LYN: variants seen among roughly 807,000 people sequenced by gnomAD.
LYN encodes the protein tyrosine-protein kinase Lyn.
Under a neutral mutation model 65.0 loss-of-function variants are expected in LYN, and 12 were observed. The observed-to-expected ratio is 0.18, with a 90% CI of 0.12 to 0.30. The LOEUF (loss-of-function observed/expected upper bound fraction) is 0.30. Ranked by LOEUF, LYN falls within the 10% of genes least tolerant of loss-of-function variation. The pLI, the probability that LYN is intolerant of heterozygous loss-of-function variation, is 1.00. For missense variants in LYN, 380 were observed against 623.2 expected, an observed-to-expected ratio of 0.61 and a Z score of 4.16; for synonymous variants, 222 against 221.2, an observed-to-expected ratio of 1.00 and a Z score of -0.03.
intron 8 of LYN, among the ~76,000 whole-genome samples, chr8:55,962,196 C>T (rs1807305079): frequency 6.6e-6 from 1 of 151,614 alleles, no homozygotes; most frequent in Non-Finnish European, 1.5e-5. Flanking sequence ...ATTCATTCAT[C>T]TTCATTCCAT....
At chr8:55,998,911 T>C (rs1362804926) in intron 11 of LYN, among the ~76,000 whole-genome samples, 2 of 152,218 alleles carry the variant, frequency 1.3e-5, no homozygotes, top group African/African-American at 4.8e-5. Flanking sequence ...AACATGAACA[T>C]TACCATACAC....
intron 10 of LYN, among the ~76,000 whole-genome samples, chr8:55,997,241 G>A (rs1808397317): frequency 6.6e-6 from 1 of 152,036 alleles, no homozygotes; most frequent in South Asian, 2.1e-4. Flanking sequence ...AGTTCCATGG[G>A]CTGTTGATTA....
intron 1 of LYN, among the ~76,000 whole-genome samples, chr8:55,908,663 G>A (rs1375455487): frequency 1.3e-5 from 2 of 152,044 alleles, no homozygotes; most frequent in Non-Finnish European, 2.9e-5. Flanking sequence ...GCAGAGTGGT[G>A]AAGTCTGGGC....
intron 10 of LYN, among the ~76,000 whole-genome samples, chr8:55,977,055 T>G (rs1180410596): frequency 2.6e-5 from 4 of 151,880 alleles, no homozygotes; most frequent in African/African-American, 9.7e-5. Context: ...CATGGTGGTG[T>G]GCGCCTGTAA....
At chr8:55,954,871 TA>T (rs1323396039) in intron 8 of LYN, among the ~76,000 whole-genome samples, 5 of 144,068 alleles carry the variant, frequency 3.5e-5, no homozygotes, top group Admixed American at 6.9e-5. Flanking sequence ...AATAAATAAA[TA>T]AAAGTTTTCA....
chr8:55,958,030 C>T (rs34326950), intron 8 of LYN, among the ~76,000 whole-genome samples: 58 of 152,252 alleles, frequency 3.8e-4, no homozygotes, highest in Middle Eastern at 3.4e-3. Flanking sequence ...GGTGTCAGTG[C>T]GTCCTGCAGG....
At chr8:55,961,097 C>T (rs1031642826) in intron 8 of LYN, among the ~76,000 whole-genome samples, 4 of 152,112 alleles carry the variant, frequency 2.6e-5, no homozygotes, top group Non-Finnish European at 5.9e-5. Flanking sequence ...TCATTTGAGC[C>T]AACTGCCTTG....
At position 55,911,179 on chromosome 8, in the gene LYN, A is replaced by ATG. The variant is rs1563506454; in HGVS notation, c.-5-30675_-5-30674insGT. ...TATGTACATATATATACACGTATAT[A>ATG]TATATATATACACACACACATATAT... On this transcript the variant is annotated intron_variant, in intron 1 of 12. Coordinates refer to ENST00000519728, the MANE Select transcript of LYN (RefSeq NM_002350.4). 4.4e-4 allele frequency among the ~76,000 whole-genome samples: 11 copies of ATG among 24,914 alleles called. 3 individuals carry two copies. The highest frequency in any genetic ancestry group is 0.013 in the East Asian group (2 of 152). The allele number at this position is 24,914 out of a possible 152,430, so 16.3% of individuals were successfully genotyped here. A position where few individuals can be genotyped will look rare whatever the true frequency, so the allele number is the denominator to read the frequency against.
chr8:55,903,423 C>T (rs868606062), intron 1 of LYN, among the ~76,000 whole-genome samples: 6 of 152,310 alleles, frequency 3.9e-5, no homozygotes, highest in Middle Eastern at 3.4e-3. Context: ...CTATATCATG[C>T]CCTGTGAGGG....
At chr8:55,930,047 A>G (rs1198424113) in intron 1 of LYN, among the ~76,000 whole-genome samples, 1 of 152,194 alleles carries the variant, frequency 6.6e-6, no homozygotes, top group Non-Finnish European at 1.5e-5. Context: ...CGTGAACTGC[A>G]CATGTGAGGG....
intron 1 of LYN, among the ~76,000 whole-genome samples, chr8:55,888,638 G>A (rs1252558369): frequency 1.3e-5 from 2 of 152,218 alleles, no homozygotes; most frequent in Non-Finnish European, 2.9e-5. Flanking sequence ...ACAGCAATAG[G>A]CTTCAGCTTG....
intron 1 of LYN, among the ~76,000 whole-genome samples, chr8:55,923,759 C>T (rs1468744045): frequency 6.6e-6 from 1 of 151,920 alleles, no homozygotes; most frequent in Non-Finnish European, 1.5e-5. Context: ...AGGCTGGTCT[C>T]GAACTCCTGA....
At chr8:55,886,726 T>A (rs1331084836) in intron 1 of LYN, among the ~76,000 whole-genome samples, 1 of 152,198 alleles carries the variant, frequency 6.6e-6, no homozygotes, top group Non-Finnish European at 1.5e-5. Context: ...ATTGGCCAGC[T>A]CCATCAGAGT....
chr8:55,979,340 C>T (rs1197141048), intron 10 of LYN, among the ~76,000 whole-genome samples: 1 of 152,164 alleles, frequency 6.6e-6, no homozygotes, highest in Non-Finnish European at 1.5e-5. Flanking sequence ...CCGTGCCCAG[C>T]CTCATTCTTG....
Position 55,901,220 on chromosome 8 carries a change from G to A in LYN, c.-6+21117G>A, listed in dbSNP as rs574547922. ...TGTTTCCACTTCTGAATAGTTCTCC[G>A]ATTAGAATAGCAGTTACAAAATGGG... On this transcript the variant is annotated intron_variant, in intron 1 of 12. Transcript: ENST00000519728. Among the ~76,000 whole-genome samples, 7 of 152,090 alleles carry A rather than the reference G, an allele frequency of 4.6e-5. No homozygotes were observed. The East Asian group carries it at 5.8e-4, about 13-fold the overall frequency.
intron 10 of LYN, among the ~76,000 whole-genome samples, chr8:55,981,707 A>G (rs1217549013): frequency 6.6e-6 from 1 of 152,140 alleles, no homozygotes; most frequent in Non-Finnish European, 1.5e-5. Context: ...GGTGTATTTA[A>G]CCATAAAGTA....
At position 56,011,280 on chromosome 8, in the gene LYN, A is replaced by G. The variant is rs1189702650; in HGVS notation, c.*1170A>G. On this transcript the variant is annotated 3_prime_UTR_variant, in exon 13 of 13. Coordinates refer to ENST00000519728, the MANE Select transcript of LYN (RefSeq NM_002350.4). ...TAAATTTTTCTCCTGTAAGCTTTGA[A>G]TGGAAACTTCTGTATCACATGATGT... is the stretch of plus-strand genomic sequence containing the variant. 1 of 225,574 alleles carries G rather than the reference A, an allele frequency of 4.4e-6. No individual in the cohort carries two copies. The highest frequency in any genetic ancestry group is 8.8e-6 in the Non-Finnish European group (1 of 113,434). 14.0% of individuals were successfully genotyped at this position (225,574 alleles called of 1,614,324 possible). A position where few individuals can be genotyped will look rare whatever the true frequency, so the allele number is the denominator to read the frequency against.
At chr8:55,941,019 CA>C (rs1460632826) in intron 1 of LYN, among the ~76,000 whole-genome samples, 1 of 152,196 alleles carries the variant, frequency 6.6e-6, no homozygotes, top group Non-Finnish European at 1.5e-5. Flanking sequence ...TGAATGTTTT[CA>C]TAAGTATCTT....
intron 10 of LYN, among the ~76,000 whole-genome samples, chr8:55,970,612 G>C (rs1027985): frequency 0.43 from 65,824 of 151,870 alleles, 14,700 homozygotes; most frequent in Middle Eastern, 0.54. Flanking sequence ...CTTTTTCACT[G>C]CCACTTCTTC....
Sources: allele counts gnomAD v4.1 joint callset (sites outside exome capture counted in the v4.1 genomes callset), GRCh38; gene constraint gnomAD v4.1.1; transcripts MANE v1.5; gene names NCBI Gene and HGNC (gene_info 2026-07-23, HGNC 2026-07-21).